The following LIN7A variants were observed in gnomAD, a reference collection of about 807,000 sequenced individuals.
The protein encoded by LIN7A is protein lin-7 homolog A.
A neutral mutation model predicts 29.8 loss-of-function variants in LIN7A; 25 were observed. That is an observed-to-expected ratio of 0.84 (90% CI 0.61 to 1.17). LIN7A has a LOEUF of 1.17. Ranked by LOEUF, LIN7A falls within the 50% of genes most tolerant of loss-of-function variation. The pLI is 0.00. For missense variants in LIN7A, 239 were observed against 287.0 expected (o/e 0.83, Z 1.21); for synonymous variants, 118 against 107.5 (o/e 1.10, Z -0.60).
Position 80,793,435 on chromosome 12 carries a change from T to C in LIN7A, c.*4292A>G, listed in dbSNP as rs1366558716. 1 of 152,162 alleles carries C rather than the reference T, an allele frequency of 6.6e-6. No individual in the cohort carries two copies. The highest frequency in any genetic ancestry group is 1.5e-5 in the Non-Finnish European group (1 of 68,020). The allele number at this position is 152,162 out of a possible 1,614,324, so 9.4% of individuals were successfully genotyped here. A position where few individuals can be genotyped will look rare whatever the true frequency, so the allele number is the denominator to read the frequency against. ...TCTGTGCAGGGAGTATTTCATGACT[T>C]CCATGGGGTGAGGAATTTTATTTTT... On this transcript the variant is annotated 3_prime_UTR_variant, in exon 6 of 6. Coordinates refer to ENST00000552864, the MANE Select transcript of LIN7A (RefSeq NM_004664.4).
intron 1 of LIN7A, among the ~76,000 whole-genome samples, chr12:80,903,463 T>G (rs1367014257): frequency 6.6e-6 from 1 of 152,144 alleles, no homozygotes; most frequent in East Asian, 1.9e-4. Context: ...TGGTATTGAC[T>G]TTGTTTCTTA....
Position 80,879,886 on chromosome 12 carries a change from G to A in LIN7A, c.201+9365C>T, listed in dbSNP as rs575214069. 5.3e-5 allele frequency among the ~76,000 whole-genome samples: 8 copies of A among 152,156 alleles called. No individual in the cohort carries two copies. The South Asian group carries it at 1.2e-3, about 24-fold the overall frequency. On this transcript the variant is annotated intron_variant, in intron 2 of 5. Transcript: ENST00000552864. ...CTGAGCTTTCTCCAAGCTACTTCAGGGTGAATTCAGGTTCTATGAAACCCT... is the reference window on the plus strand; with the variant it reads ...CTGAGCTTTCTCCAAGCTACTTCAGAGTGAATTCAGGTTCTATGAAACCCT...
intron 1 of LIN7A, among the ~76,000 whole-genome samples, chr12:80,907,694 G>A (rs1876557112): frequency 6.6e-6 from 1 of 152,138 alleles, no homozygotes; most frequent in African/African-American, 2.4e-5. Flanking sequence ...AGGGCAATGT[G>A]AGTTCTAGAG....
intron 1 of LIN7A, among the ~76,000 whole-genome samples, chr12:80,933,188 A>G (rs1036080008): frequency 6.6e-6 from 1 of 152,224 alleles, no homozygotes; most frequent in Non-Finnish European, 1.5e-5. Context: ...ATTATAATAT[A>G]TGATGTTTTA....
At chr12:80,824,749 A>T (rs555278240) in intron 4 of LIN7A, among the ~76,000 whole-genome samples, 1 of 152,358 alleles carries the variant, frequency 6.6e-6, no homozygotes, top group Non-Finnish European at 1.5e-5. Flanking sequence ...CATAAACAGA[A>T]TTAAAAACGA....
chr12:80,835,763 G>A (rs7311392), intron 4 of LIN7A, among the ~76,000 whole-genome samples: 59,978 of 151,832 alleles, frequency 0.4, 11,978 homozygotes, highest in Non-Finnish European at 0.42. Flanking sequence ...GTAAATAAAC[G>A]TATTATGGTT....
chr12:80,830,865 C>T (rs1393135842), intron 4 of LIN7A, among the ~76,000 whole-genome samples: 1 of 152,108 alleles, frequency 6.6e-6, no homozygotes, highest in Non-Finnish European at 1.5e-5. Context: ...ACTCCCTTAT[C>T]TCCTTTGACC....
chr12:80,879,720 G>A (rs1276984730), intron 2 of LIN7A, among the ~76,000 whole-genome samples: 3 of 147,554 alleles, frequency 2.0e-5, no homozygotes, highest in South Asian at 2.1e-4. Flanking sequence ...GGAAAATATC[G>A]GTGTTATTTT....
At chr12:80,876,893 G>A (rs969118003) in intron 2 of LIN7A, among the ~76,000 whole-genome samples, 5 of 152,004 alleles carry the variant, frequency 3.3e-5, no homozygotes, top group African/African-American at 7.2e-5. Flanking sequence ...AGGCCGAGGC[G>A]GGCGGATTAC....
rs760389788 is a variant in LIN7A, at chr12:80,899,765, C to CTTTTTTTTTTTTTTTTTTTTTTTTTT, written c.83-10397_83-10396insAAAAAAAAAAAAAAAAAAAAAAAAAA. 9.1e-5 allele frequency among the ~76,000 whole-genome samples: 10 copies of CTTTTTTTTTTTTTTTTTTTTTTTTTT among 109,990 alleles called. 3 individuals are homozygous for CTTTTTTTTTTTTTTTTTTTTTTTTTT. The highest frequency in any genetic ancestry group is 1.0e-4 in the Admixed American group (1 of 9,610). The allele number at this position is 109,990 out of a possible 152,430, so 72.2% of individuals were successfully genotyped here. On this transcript the variant is annotated intron_variant, in intron 1 of 5. Coordinates refer to ENST00000552864, the MANE Select transcript of LIN7A (RefSeq NM_004664.4). ...CATTTCCTCTAGGTTTTCTTTTTTT[C>CTTTTTTTTTTTTTTTTTTTTTTTTTT]TTTTCTTTTTTTTTTTTTTTTGAGA...
chr12:80,818,238 A>G (rs1299738768), intron 4 of LIN7A, among the ~76,000 whole-genome samples: 3 of 152,162 alleles, frequency 2.0e-5, no homozygotes, highest in African/African-American at 7.2e-5. Flanking sequence ...GGCTCACTGC[A>G]AGCTCCGCCT....
chr12:80,816,157 T>C (rs992453846), intron 4 of LIN7A, among the ~76,000 whole-genome samples: 2 of 152,136 alleles, frequency 1.3e-5, no homozygotes, highest in Non-Finnish European at 2.9e-5. Context: ...TCCCAGCCAT[T>C]TGGGAGGCTG....
intron 1 of LIN7A, among the ~76,000 whole-genome samples, chr12:80,889,876 A>G (rs1232497126): frequency 1.3e-5 from 2 of 152,092 alleles, no homozygotes; most frequent in East Asian, 1.9e-4. Context: ...TCCTCAGGGT[A>G]TGGTATATTG....
intron 4 of LIN7A, among the ~76,000 whole-genome samples, chr12:80,840,974 T>A (rs1030150204): frequency 6.6e-6 from 1 of 152,194 alleles, no homozygotes; most frequent in Non-Finnish European, 1.5e-5. Flanking sequence ...AAAAGCTCTT[T>A]ATTATAATAA....
intron 4 of LIN7A, among the ~76,000 whole-genome samples, chr12:80,836,674 A>ATG (rs1872601231): frequency 6.6e-6 from 1 of 151,750 alleles, no homozygotes; most frequent in Non-Finnish European, 1.5e-5. Context: ...ATAAATAAAT[A>ATG]TGTATATATA....
intron 4 of LIN7A, among the ~76,000 whole-genome samples, chr12:80,840,056 T>C (rs1872740979): frequency 1.3e-5 from 2 of 152,144 alleles, no homozygotes; most frequent in South Asian, 4.1e-4. Flanking sequence ...ATGCTTATAT[T>C]TTATCTTTCT....
At chr12:80,865,496 C>G (rs1874092276) in intron 2 of LIN7A, among the ~76,000 whole-genome samples, 1 of 152,138 alleles carries the variant, frequency 6.6e-6, no homozygotes, top group South Asian at 2.1e-4. Flanking sequence ...TTAACAATAG[C>G]TGTGAGAAAT....
intron 2 of LIN7A, among the ~76,000 whole-genome samples, chr12:80,868,784 A>G (rs1874275251): frequency 6.6e-6 from 1 of 152,198 alleles, no homozygotes; most frequent in South Asian, 2.1e-4. Context: ...AAGATAAACT[A>G]TGTAGCAGAT....
intron 2 of LIN7A, among the ~76,000 whole-genome samples, chr12:80,869,132 TAATA>T (rs564460945): frequency 2.7e-5 from 4 of 147,176 alleles, no homozygotes; most frequent in Admixed American, 6.8e-5. Flanking sequence ...CTAAAGTATC[TAATA>T]AATAAATAAA....
Sources: gnomAD v4.1 joint callset for allele counts (sites outside exome capture counted in the v4.1 genomes callset) on GRCh38, gnomAD v4.1.1 for gene constraint, MANE v1.5 for transcripts, NCBI Gene and HGNC (gene_info 2026-07-23, HGNC 2026-07-21) for gene names.